GPR17: variants seen among roughly 807,000 people sequenced by gnomAD.
GPR17 encodes the protein uracil nucleotide/cysteinyl leukotriene receptor.
A neutral mutation model predicts 1.5 loss-of-function variants in GPR17; 4 were observed. That is an observed-to-expected ratio of 2.73 (90% CI 1.35 to 6.25). The LOEUF is 6.25. Ranked by LOEUF, GPR17 falls within the 30% of genes most tolerant of loss-of-function variation. GPR17 has a pLI of 0.00. For missense variants in GPR17, 463 were observed against 462.1 expected, an observed-to-expected ratio of 1.00 and a Z score of -0.02; for synonymous variants, 209 against 207.6, an observed-to-expected ratio of 1.01 and a Z score of -0.06.
chr2:127,649,841 G>A (rs981592125), intron 1 of GPR17: 29 of 621,598 alleles, frequency 4.7e-5, no homozygotes, highest in East Asian at 3.1e-4. Context: ...CTGCAGATCC[G>A]TCCTCAACAG....
At position 127,648,258 on chromosome 2, in the gene GPR17, C is replaced by T. The variant is rs917120015; in HGVS notation, c.-21+2014C>T. On this transcript the variant is annotated intron_variant, in intron 1 of 1. Transcript: ENST00000486700. ...TGTTAGAACTTCAGGCATCTTGAAA[C>T]ACTCTGAAGCCGGGGGCAATCTTTT... 27 of 935,938 alleles carry T rather than the reference C, an allele frequency of 2.9e-5. No homozygotes were observed. In the African/African-American group the frequency reaches 4.3e-4, roughly 15 times the overall value. 58.0% of individuals were successfully genotyped at this position (935,938 alleles called of 1,614,324 possible).
chr2:127,650,526 A>C (rs1464364661), intron 1 of GPR17, 190 bp from the exon 2 acceptor site: 1 of 584,474 alleles, frequency 1.7e-6, no homozygotes, highest in Non-Finnish European at 3.0e-6. Flanking sequence ...CCTTGTGCTG[A>C]AGTTCAGAAT....
Position 127,651,096 on chromosome 2 carries a change from T to G in GPR17, c.361T>G (p.Phe121Val). 6.2e-7 allele frequency: 1 copy of G among 1,613,706 alleles called. No homozygotes were observed. The highest frequency in any genetic ancestry group is 8.5e-7 in the Non-Finnish European group (1 of 1,180,032). The part of the protein sequence containing the change: ...FYLNMYASIY[F>V]LTCISADRFL... Reference sequence around the variant, plus strand: ...CCTCAACATGTACGCCAGCATCTACTTCCTCACCTGCATCAGCGCCGACCG... The same window carrying G: ...CCTCAACATGTACGCCAGCATCTACGTCCTCACCTGCATCAGCGCCGACCG... The change falls in exon 2 of 2, where the codon TTC becomes GTC. Residue 121 changes from phenylalanine (F) to valine (V), a missense_variant. By Grantham distance (50) the Phe-to-Val change is conservative. Coordinates refer to ENST00000486700, the MANE Select transcript of GPR17 (RefSeq NM_001161417.2).
rs1683742543 is a variant in GPR17 at position 127,651,226 on chromosome 2, C to A, written c.491C>A (p.Ala164Asp). ...FLWVVVAVAM[A>D]PLLVSPQTVQ... ...TGGGTGGTGGTGGCTGTGGCCATGG[C>A]CCCGCTGCTGGTGAGCCCACAGACC... The change falls in exon 2 of 2, where the codon GCC (alanine) becomes GAC (aspartate). Residue 164 changes from alanine to aspartate, a missense_variant. By Grantham distance (126) the Ala-to-Asp change is moderately radical. Coordinates refer to ENST00000486700, the MANE Select transcript of GPR17 (RefSeq NM_001161417.2). The A allele has an allele frequency of 1.2e-6, 2 of 1,607,944 alleles. No homozygotes were observed. Among genetic ancestry groups the A allele is most frequent in the Admixed American group, 1.7e-5 (1 of 59,948 alleles).
chr2:127,650,988 C>G lies in GPR17; in HGVS notation c.253C>G (p.Pro85Ala), dbSNP rs1378114353. The G allele has an allele frequency of 6.2e-7, 1 of 1,613,834 alleles. No individual in the cohort carries two copies. Residue 85 changes from proline (P) to alanine (A), a missense_variant, in exon 2 of 2, where the codon CCC becomes GCC. Transcript: ENST00000486700. ...VADLSCVLVL[P>A]TRLVYHFSGN... ...CGACTTGTCGTGCGTGCTGGTCCTG[C>G]CCACCCGCCTGGTCTACCACTTCTC...
intron 1 of GPR17, chr2:127,649,839 C>T (rs1322531385): frequency 4.9e-6 from 3 of 613,270 alleles, no homozygotes; most frequent in Non-Finnish European, 8.5e-6. Context: ...GGCTGCAGAT[C>T]CGTCCTCAAC....
At chr2:127,649,678 A>G (rs1170330536) in intron 1 of GPR17, among the ~76,000 whole-genome samples, 5 of 152,194 alleles carry the variant, frequency 3.3e-5, no homozygotes, top group Non-Finnish European at 7.4e-5. Context: ...TAAAATCAAA[A>G]CAAGAGTGGG....
chr2:127,648,381 G>T, intron 1 of GPR17: 1 of 175,734 alleles, frequency 5.7e-6, no homozygotes, highest in Non-Finnish European at 1.1e-5. Flanking sequence ...AGGTGCTCGG[G>T]CCAGCCCTCA....
intron 1 of GPR17, among the ~76,000 whole-genome samples, chr2:127,648,992 GGA>G (rs1558877612): frequency 1.1e-3 from 29 of 26,634 alleles, no homozygotes; most frequent in Non-Finnish European, 1.6e-3. Context: ...GGGAGGGGAG[GGA>G]GGGGAGGGGA....
Position 127,651,735 on chromosome 2 carries a change from A to G in GPR17, c.1000A>G (p.Ser334Gly). ...AGGGAAAACCAACGAGAGCTCGCTG[A>G]GTGCCAAGTCAGAGCTGTGAGCGGG... ...FEGKTNESSLSAKSEL is the reference protein window; with the variant it reads ...FEGKTNESSLGAKSEL Residue 334 changes from serine to glycine, a missense_variant, in exon 2 of 2, where the codon AGT becomes GGT. By Grantham distance (56) the Ser-to-Gly change is moderately conservative. Transcript: ENST00000486700. 1.2e-6 allele frequency: 2 copies of G among 1,612,650 alleles called. No homozygotes were observed. Among genetic ancestry groups the G allele is most frequent in the Non-Finnish European group, 1.7e-6 (2 of 1,179,854 alleles).
At position 127,650,906 on chromosome 2, in the gene GPR17, C is replaced by T; in HGVS notation, c.171C>T (p.Ile57=). 6.2e-7 allele frequency: 1 copy of T among 1,614,100 alleles called. No individual in the cohort carries two copies. The highest frequency in any genetic ancestry group is 1.1e-5 in the South Asian group (1 of 91,086). ...VGNTLALWLF[I]RDHKSGTPAN... is the part of the protein sequence containing the mutation. Reference sequence around the variant, plus strand: ...ATACCCTGGCTCTGTGGCTTTTCATCCGAGACCACAAGTCCGGGACCCCGG... The same window carrying T: ...ATACCCTGGCTCTGTGGCTTTTCATTCGAGACCACAAGTCCGGGACCCCGG... The change falls in exon 2 of 2, where the codon ATC becomes ATT. Residue 57 remains isoleucine (I), a synonymous_variant. Coordinates refer to ENST00000486700, the MANE Select transcript of GPR17 (RefSeq NM_001161417.2).
chr2:127,651,773 G>A lies in GPR17; in HGVS notation c.*18G>A, dbSNP rs1015671590. ...AGCTGTGAGCGGGGGGCGCCGTCCA[G>A]GCCGAGCGCAGACTGTTTAGGACTC... is the stretch of plus-strand genomic sequence containing the variant. On this transcript the variant is annotated 3_prime_UTR_variant, in exon 2 of 2. Coordinates refer to ENST00000486700, the MANE Select transcript of GPR17 (RefSeq NM_001161417.2). 6.2e-6 allele frequency: 10 copies of A among 1,606,216 alleles called. No individual in the cohort carries two copies. The African/African-American group carries it at 1.2e-4, about 19-fold the overall frequency.
rs369638145 is a variant in GPR17, at chr2:127,651,380, C to T, written c.645C>T (p.Ile215=). The T allele has an allele frequency of 9.3e-6, 15 of 1,612,644 alleles. No homozygotes were observed. Among genetic ancestry groups the T allele is most frequent in the Non-Finnish European group, 1.3e-5 (15 of 1,180,054 alleles). ...FITTVTCYLL[I]IRSLRQGLRV... The stretch of plus-strand genomic sequence containing the variant: ...CCACGGTCACCTGCTACCTGCTGAT[C>T]ATCCGCAGCCTGCGGCAGGGCCTGC... The change falls in exon 2 of 2, where the codon ATC becomes ATT. Residue 215 remains isoleucine (I), a synonymous_variant. Transcript: ENST00000486700.
At chr2:127,650,502 T>TTCC (rs1315876721) in intron 1 of GPR17, 15 of 572,652 alleles carry the variant, frequency 2.6e-5, no homozygotes, top group Non-Finnish European at 4.3e-5. Flanking sequence ...TTCCAAGCCC[T>TTCC]GGTTCTGCGT....
Position 127,651,660 on chromosome 2 carries a change from T to G in GPR17, c.925T>G (p.Cys309Gly). Residue 309 changes from cysteine (C) to glycine (G), a missense_variant, in exon 2 of 2, where the codon TGC (cysteine) becomes GGC (glycine). Coordinates refer to ENST00000486700, the MANE Select transcript of GPR17 (RefSeq NM_001161417.2). ...GGCTGAGAAGTTCCGCCACGCCCTGTGCAACTTGCTCTGTGGCAAAAGGCT... is the reference window on the plus strand; with the variant it reads ...GGCTGAGAAGTTCCGCCACGCCCTGGGCAACTTGCTCTGTGGCAAAAGGCT... ...FVAEKFRHAL[C>G]NLLCGKRLKG... 1 of 1,613,408 alleles carries G rather than the reference T, an allele frequency of 6.2e-7. No individual in the cohort carries two copies. The highest frequency in any genetic ancestry group is 8.5e-7 in the Non-Finnish European group (1 of 1,180,032).
In GPR17 at chr2:127,652,571, AT is replaced by A; in HGVS notation, c.*819del. 1 of 166,766 alleles carries A rather than the reference AT, an allele frequency of 6.0e-6. No individual in the cohort carries two copies. The allele number at this position is 166,766 out of a possible 1,614,324, so 10.3% of individuals were successfully genotyped here. On this transcript the variant is annotated 3_prime_UTR_variant, in exon 2 of 2. Coordinates refer to ENST00000486700, the MANE Select transcript of GPR17 (RefSeq NM_001161417.2). ...CTATTTCCCTTGCTAGTGTGCAGAT[AT>A]TTCCCTAACATGTCCTTTTTTGTAT... is the stretch of plus-strand genomic sequence containing the variant.
Position 127,650,935 on chromosome 2 carries a change from A to T in GPR17, c.200A>T (p.Asn67Ile). The change falls in exon 2 of 2, where the codon AAC becomes ATC. Residue 67 changes from asparagine (N) to isoleucine (I), a missense_variant. Asn to Ile is a moderately radical substitution (Grantham distance 149). Coordinates refer to ENST00000486700, the MANE Select transcript of GPR17 (RefSeq NM_001161417.2). ...GACCACAAGTCCGGGACCCCGGCCA[A>T]CGTGTTCCTGATGCATCTGGCCGTG... ...IRDHKSGTPA[N>I]VFLMHLAVAD... The T allele has an allele frequency of 6.2e-7, 1 of 1,613,970 alleles. No homozygotes were observed. Among genetic ancestry groups the T allele is most frequent in the East Asian group, 2.2e-5 (1 of 44,880 alleles).
At position 127,651,654 on chromosome 2, in the gene GPR17, G is replaced by A. The variant is rs145614087; in HGVS notation, c.919G>A (p.Ala307Thr). Residue 307 changes from alanine (A) to threonine (T), a missense_variant, in exon 2 of 2, where the codon GCC (alanine) becomes ACC (threonine). Transcript: ENST00000486700. ...YFFVAEKFRH[A>T]LCNLLCGKRL... ...CTTCGTGGCTGAGAAGTTCCGCCAC[G>A]CCCTGTGCAACTTGCTCTGTGGCAA... 5.8e-5 allele frequency: 94 copies of A among 1,613,276 alleles called. No homozygotes were observed. The Middle Eastern group carries it at 9.9e-4, about 17-fold the overall frequency.
In GPR17 at chr2:127,651,653, C is replaced by T. The variant is rs113791568; in HGVS notation, c.918C>T (p.His306=). ...MYFFVAEKFR[H]ALCNLLCGKR... is the part of the protein sequence containing the mutation. ...TCTTCGTGGCTGAGAAGTTCCGCCA[C>T]GCCCTGTGCAACTTGCTCTGTGGCA... Residue 306 remains histidine, a synonymous_variant, in exon 2 of 2, where the codon CAC becomes CAT. Transcript: ENST00000486700. 1.9e-5 allele frequency: 30 copies of T among 1,613,464 alleles called. No individual in the cohort carries two copies. Among genetic ancestry groups the T allele is most frequent in the African/African-American group, 1.3e-4 (10 of 75,066 alleles).
Sources: gnomAD v4.1 joint callset for allele counts (sites outside exome capture counted in the v4.1 genomes callset) on GRCh38, gnomAD v4.1.1 for gene constraint, MANE v1.5 for transcripts, NCBI Gene and HGNC (gene_info 2026-07-23, HGNC 2026-07-21) for gene names.